The following FBXL2 variants were observed in gnomAD, a reference collection of about 807,000 sequenced individuals.
FBXL2 encodes the protein F-box/LRR-repeat protein 2.
FBXL2 carries 38 observed loss-of-function variants against 69.2 expected under a neutral mutation model. The observed-to-expected ratio is 0.55, with a 90% confidence interval of 0.42 to 0.72. FBXL2 has a LOEUF of 0.72. FBXL2 is among the 30% of genes least tolerant of loss of function. The pLI is 0.00. For missense variants in FBXL2, 354 were observed against 520.3 expected (o/e 0.68, Z 3.11); for synonymous variants, 192 against 201.3 (o/e 0.95, Z 0.39).
chr3:33,376,340 G>GA (rs2042639450), intron 10 of FBXL2, among the ~76,000 whole-genome samples: 1 of 152,146 alleles, frequency 6.6e-6, no homozygotes, highest in African/African-American at 2.4e-5. Flanking sequence ...ACTTCCCAAT[G>GA]AAACTGATCC....
chr3:33,310,952 T>G (rs1357532508), intron 2 of FBXL2, among the ~76,000 whole-genome samples: 1 of 152,002 alleles, frequency 6.6e-6, no homozygotes, highest in Non-Finnish European at 1.5e-5. Context: ...TTTTTCAGTA[T>G]TTTTAGTAGA....
chr3:33,299,607 G>A (rs193073788), intron 2 of FBXL2, among the ~76,000 whole-genome samples: 16 of 152,270 alleles, frequency 1.1e-4, no homozygotes, highest in Non-Finnish European at 1.8e-4. Flanking sequence ...ATGGGGTAAG[G>A]ACTTAGCTTC....
the FBXL2 span, among the ~76,000 whole-genome samples, chr3:33,413,045 A>G: frequency 6.6e-6 from 1 of 152,232 alleles, no homozygotes; most frequent in Non-Finnish European, 1.5e-5. Context: ...AATTATAAAT[A>G]AAATGGTAAC....
chr3:33,305,178 T>G (rs1463556874), intron 2 of FBXL2, among the ~76,000 whole-genome samples: 3 of 151,976 alleles, frequency 2.0e-5, no homozygotes, highest in African/African-American at 7.2e-5. Context: ...TGTGCTTTCT[T>G]AAGGAACTTC....
chr3:33,368,227 T>C (rs1418775779), intron 5 of FBXL2, among the ~76,000 whole-genome samples: 1 of 152,206 alleles, frequency 6.6e-6, no homozygotes, highest in Non-Finnish European at 1.5e-5. Context: ...TGGTTGATAG[T>C]GTTGAGCAGA....
intron 2 of FBXL2, among the ~76,000 whole-genome samples, chr3:33,345,450 A>G (rs1175305048): frequency 1.3e-5 from 2 of 152,242 alleles, no homozygotes; most frequent in Admixed American, 6.5e-5. Flanking sequence ...TCTGGTATCA[A>G]AACCTACCAG....
intron 5 of FBXL2, among the ~76,000 whole-genome samples, chr3:33,371,537 T>G (rs1231246858): frequency 1.3e-5 from 2 of 151,920 alleles, no homozygotes; most frequent in African/African-American, 4.9e-5. Flanking sequence ...ACATGTTTAA[T>G]TGTTAGCTTC....
At chr3:33,404,568 A>C (rs1337413257), downstream of FBXL2, among the ~76,000 whole-genome samples, 1 of 151,928 alleles carries the variant, frequency 6.6e-6, no homozygotes, top group African/African-American at 2.4e-5. Context: ...AATTGCTTGA[A>C]TCTGGGAAGG....
chr3:33,422,306 T>C, the FBXL2 span, among the ~76,000 whole-genome samples: 1 of 151,988 alleles, frequency 6.6e-6, no homozygotes, highest in Non-Finnish European at 1.5e-5. Flanking sequence ...TCAGAAGGCC[T>C]GAGGCAGGAG....
intron 12 of FBXL2, chr3:33,396,090 C>A: frequency 1.5e-6 from 2 of 1,364,976 alleles, no homozygotes; most frequent in Non-Finnish European, 1.0e-6. Context: ...CCAAAGCCTG[C>A]TCAATCGAGT....
rs2042418875 is a variant in FBXL2, at chr3:33,373,329, T to G, written c.429T>G (p.Ile143Met). 6.2e-7 allele frequency: 1 copy of G among 1,613,258 alleles called. No individual in the cohort carries two copies. The highest frequency in any genetic ancestry group is 8.5e-7 in the Non-Finnish European group (1 of 1,179,274). The change falls in exon 7 of 15, where the codon ATT (isoleucine) becomes ATG (methionine). Residue 143 changes from isoleucine to methionine, a missense_variant. Transcript: ENST00000484457. ...KHLDLTSCVS[I>M]TNSSLKGISE... ...TGGATCTGACCTCCTGTGTGTCTAT[T>G]ACAAACAGCTCCTTGAAGGGGATCA...
chr3:33,366,274 A>T (rs2041947646), intron 5 of FBXL2, among the ~76,000 whole-genome samples: 1 of 152,082 alleles, frequency 6.6e-6, no homozygotes, highest in Non-Finnish European at 1.5e-5. Context: ...CATGAGGAAT[A>T]TTGTCTTATG....
chr3:33,349,101 T>G (rs2040652101), intron 2 of FBXL2, among the ~76,000 whole-genome samples: 5 of 152,184 alleles, frequency 3.3e-5, no homozygotes. Context: ...TTGGATGCCC[T>G]TTATTTCTTT....
chr3:33,277,480 T>G lies in FBXL2; in HGVS notation c.-33T>G, dbSNP rs1281176329. ...CGGGCGTCGCCGGCGCCGTGTGACT[T>G]CGGGCTGTGGGCTCGCTCGCGGCTC... On this transcript the variant is annotated 5_prime_UTR_variant, in exon 1 of 15. Transcript: ENST00000484457. 1.1e-5 allele frequency: 14 copies of G among 1,287,460 alleles called. No homozygotes were observed. The highest frequency in any genetic ancestry group is 1.5e-5 in the African/African-American group (1 of 65,096). The allele number at this position is 1,287,460 out of a possible 1,614,324, so 79.8% of individuals were successfully genotyped here.
chr3:33,318,159 C>T (rs1015439570), intron 2 of FBXL2, among the ~76,000 whole-genome samples: 1 of 152,028 alleles, frequency 6.6e-6, no homozygotes, highest in Non-Finnish European at 1.5e-5. Flanking sequence ...CTGTTTCTCA[C>T]TGGTATCTAT....
downstream of FBXL2, chr3:33,390,276 C>T: frequency 6.4e-7 from 1 of 1,550,810 alleles, no homozygotes; most frequent in Non-Finnish European, 8.8e-7. Context: ...TCAGTCTTCA[C>T]ACACTTTTAA....
At chr3:33,286,689 G>C (rs1377150429) in intron 1 of FBXL2, among the ~76,000 whole-genome samples, 1 of 152,250 alleles carries the variant, frequency 6.6e-6, no homozygotes, top group African/African-American at 2.4e-5. Flanking sequence ...GCTCCGCCCA[G>C]TTCGAGCTTC....
Position 33,364,933 on chromosome 3 carries a change from C to G in FBXL2, c.290+214C>G, listed in dbSNP as rs148998712. On this transcript the variant is annotated intron_variant, in intron 5 of 14. Coordinates refer to ENST00000484457, the MANE Select transcript of FBXL2 (RefSeq NM_012157.5). ...GATGTGACCTTGGGACAAATTATTT[C>G]CCCCGGCCGAGTGTCAGTTCTCTCT... Among the ~76,000 whole-genome samples the G allele has an allele frequency of 3.6e-4, 55 of 152,238 alleles. No homozygotes were observed. In the East Asian group the frequency reaches 9.6e-3, roughly 27 times the overall value.
intron 9 of FBXL2, among the ~76,000 whole-genome samples, chr3:33,374,486 T>C (rs138612054): frequency 4.5e-4 from 68 of 152,286 alleles, no homozygotes; most frequent in South Asian, 1.5e-3. Context: ...AAGGGGAACA[T>C]AGATTTTGAG....
Sources: allele counts gnomAD v4.1 joint callset (sites outside exome capture counted in the v4.1 genomes callset), GRCh38; gene constraint gnomAD v4.1.1; transcripts MANE v1.5; gene names NCBI Gene and HGNC (gene_info 2026-07-23, HGNC 2026-07-21).